TTF2: variants seen among roughly 807,000 people sequenced by gnomAD.
TTF2 encodes the protein RNA polymerase II termination factor.
A neutral mutation model predicts 142.4 loss-of-function variants in TTF2; 108 were observed. That is an observed-to-expected ratio of 0.76 (90% confidence interval 0.65 to 0.89). The LOEUF (loss-of-function observed/expected upper bound fraction) is 0.89. Among genes scored for constraint, TTF2 ranks in the 40% least tolerant of loss-of-function variants. The pLI, the probability that TTF2 is intolerant of heterozygous loss-of-function variation, is 0.00. For synonymous variants in TTF2, 483 were observed against 506.2 expected, an observed-to-expected ratio of 0.95 and a Z score of 0.61; for missense variants, 1,327 against 1,379.8, an observed-to-expected ratio of 0.96 and a Z score of 0.61.
intron 16 of TTF2, 102 bp from the exon 17 acceptor site, chr1:117,091,715 G>C: frequency 2.8e-6 from 4 of 1,420,144 alleles, no homozygotes; most frequent in Non-Finnish European, 3.8e-6. Flanking sequence ...TATTGAGTCT[G>C]AGATCAAACA....
intron 21 of TTF2, 51 bp from the exon 22 acceptor site, chr1:117,098,782 A>G (rs768725457): frequency 1.3e-6 from 2 of 1,558,198 alleles, no homozygotes; most frequent in South Asian, 1.2e-5. Flanking sequence ...ATAGTTTGCC[A>G]TTTCTGATCT....
At chr1:117,088,319 C>G (rs958801143) in intron 12 of TTF2, among the ~76,000 whole-genome samples, 1 of 152,056 alleles carries the variant, frequency 6.6e-6, no homozygotes, top group African/African-American at 2.4e-5. Context: ...GGGTGGATCA[C>G]GAGGTCAGGA....
chr1:117,079,623 G>T lies in TTF2; in HGVS notation c.1757G>T (p.Ser586Ile). The T allele has an allele frequency of 6.2e-7, 1 of 1,614,224 alleles. No homozygotes were observed. The highest frequency in any genetic ancestry group is 1.1e-5 in the South Asian group (1 of 91,084). Residue 586 changes from serine (S) to isoleucine (I), a missense_variant, in exon 9 of 23, where the codon AGT (serine) becomes ATT (isoleucine). Ser to Ile is a moderately radical substitution (Grantham distance 142). Transcript: ENST00000369466. This position sits in a 1 kb window ranked among gnomAD's most constrained non-coding sequence, Gnocchi z 4.2. ...TTGGCTTGGTTACTATGGCGAGAAA[G>T]TCAGAAGCCACAAGGAGGAATTCTG... ...QALAWLLWRE[S>I]QKPQGGILAD... is the part of the protein sequence containing the mutation.
chr1:117,083,300 T>G (rs1647701402), intron 10 of TTF2, among the ~76,000 whole-genome samples: 1 of 151,258 alleles, frequency 6.6e-6, no homozygotes, highest in South Asian at 2.1e-4. Flanking sequence ...TAATGAGCAC[T>G]GTTGCAGCTG....
Position 117,092,090 on chromosome 1 carries a change from G to A in TTF2, c.2805+140G>A. Reference sequence around the variant, plus strand: ...TCGGTTTTTCTATTTTTGTTTTTTGGTGGGTTGGAGAAAAGGGGGCTTATT... The same window carrying A: ...TCGGTTTTTCTATTTTTGTTTTTTGATGGGTTGGAGAAAAGGGGGCTTATT... On this transcript the variant is annotated intron_variant, in intron 17 of 22. Coordinates refer to ENST00000369466, the MANE Select transcript of TTF2 (RefSeq NM_003594.4). This position sits in a 1 kb window ranked among gnomAD's most constrained non-coding sequence, Gnocchi z 4.4. 3.5e-6 allele frequency: 3 copies of A among 863,378 alleles called. No homozygotes were observed. The South Asian group carries it at 7.3e-5, about 21-fold the overall frequency. 53.5% of individuals were successfully genotyped at this position (863,378 alleles called of 1,614,324 possible). A position where few individuals can be genotyped will look rare whatever the true frequency, so the allele number is the denominator to read the frequency against.
chr1:117,072,153 G>A (rs1656628471), intron 3 of TTF2, among the ~76,000 whole-genome samples: 1 of 152,120 alleles, frequency 6.6e-6, no homozygotes, highest in African/African-American at 2.4e-5. Flanking sequence ...GCTGGAGTAT[G>A]GGCTGTGTTT....
At position 117,099,145 on chromosome 1, in the gene TTF2, A is replaced by G. The variant is rs1178393219; in HGVS notation, c.3344+238A>G. 6.6e-6 allele frequency among the ~76,000 whole-genome samples: 1 copy of G among 152,128 alleles called. No individual in the cohort carries two copies. Among genetic ancestry groups the G allele is most frequent in the Non-Finnish European group, 1.5e-5 (1 of 68,018 alleles). ...TTTGTGTATATGGTGAGGGCAGTCC[A>G]TGAAAGGATGCTCCTATCTTTTATT... On this transcript the variant is annotated intron_variant, in intron 22 of 22. Transcript: ENST00000369466. This position sits in a 1 kb window ranked among gnomAD's most constrained non-coding sequence, Gnocchi z 4.3.
In TTF2 at chr1:117,101,690, G is replaced by A; in HGVS notation, c.*166G>A. ...GCATAATCTTATCCCCAGAATTGAG[G>A]AGGGGTTGTGTTAACCAATTAGTTA... On this transcript the variant is annotated 3_prime_UTR_variant, in exon 23 of 23. Transcript: ENST00000369466. This position sits in a 1 kb window ranked among gnomAD's most constrained non-coding sequence, Gnocchi z 5.9. The A allele has an allele frequency of 4.4e-6, 3 of 683,746 alleles. No individual in the cohort carries two copies. The highest frequency in any genetic ancestry group is 6.5e-6 in the Non-Finnish European group (3 of 458,674). The allele number at this position is 683,746 out of a possible 1,614,324, so 42.4% of individuals were successfully genotyped here.
At chr1:117,067,216 A>G (rs1438612549) in intron 3 of TTF2, among the ~76,000 whole-genome samples, 1 of 152,196 alleles carries the variant, frequency 6.6e-6, no homozygotes, top group African/African-American at 2.4e-5. Flanking sequence ...ATTACTAGGA[A>G]GTACTTACTG....
chr1:117,060,349 GGAA>G lies in TTF2; in HGVS notation c.8_10del (p.Glu3del), dbSNP rs746125738. On this transcript the variant is annotated inframe_deletion, in exon 1 of 23. Coordinates refer to ENST00000369466, the MANE Select transcript of TTF2 (RefSeq NM_003594.4). ...TGGAACTTGGGGGACCCAGCGAAAT[GGAA>G]GAAGTTAGGTGTCCAGAGCACGGTA... 111 of 1,597,376 alleles carry G rather than the reference GGAA, an allele frequency of 6.9e-5. No homozygotes were observed. Among genetic ancestry groups the G allele is most frequent in the Non-Finnish European group, 8.3e-5 (97 of 1,172,226 alleles).
At chr1:117,077,488 T>C (rs1330691096) in intron 7 of TTF2, among the ~76,000 whole-genome samples, 1 of 152,140 alleles carries the variant, frequency 6.6e-6, no homozygotes, top group African/African-American at 2.4e-5. Context: ...TCTTATTCTT[T>C]CGTGTGTGTG....
At chr1:117,094,265 A>T (rs1450782401) in intron 18 of TTF2, among the ~76,000 whole-genome samples, 4 of 152,176 alleles carry the variant, frequency 2.6e-5, no homozygotes, top group Non-Finnish European at 4.4e-5. Context: ...GAGGAATCTG[A>T]GTCCCAAAGT....
In TTF2 at chr1:117,090,318, C is replaced by A; in HGVS notation, c.2496+110C>A. On this transcript the variant is annotated intron_variant, in intron 14 of 22. Transcript: ENST00000369466. The surrounding 1 kb of genome is among the most constrained non-coding windows in gnomAD (Gnocchi z 4.8). ...TTGCTTCAGGAGCCTCTGAGTTTCCCATCCTCCTGTGAGGAGGCCCCAGGG... is the reference window on the plus strand; with the variant it reads ...TTGCTTCAGGAGCCTCTGAGTTTCCAATCCTCCTGTGAGGAGGCCCCAGGG... The A allele has an allele frequency of 6.8e-7, 1 of 1,460,160 alleles. No individual in the cohort carries two copies. Among genetic ancestry groups the A allele is most frequent in the Non-Finnish European group, 9.3e-7 (1 of 1,079,328 alleles). 90.5% of individuals were successfully genotyped at this position (1,460,160 alleles called of 1,614,324 possible).
Position 117,079,692 on chromosome 1 carries a change from G to A in TTF2, c.1783+43G>A, listed in dbSNP as rs1570829857. The A allele has an allele frequency of 6.4e-7, 1 of 1,567,194 alleles. No individual in the cohort carries two copies. Among genetic ancestry groups the A allele is most frequent in the Non-Finnish European group, 8.8e-7 (1 of 1,136,992 alleles). ...AGAGTCAGCCTTTATTGAATGCTTA[G>A]GCATTGTGCTAAACACGTAGTGTTG... On this transcript the variant is annotated intron_variant, in intron 9 of 22. Transcript: ENST00000369466. The surrounding 1 kb of genome is among the most constrained non-coding windows in gnomAD (Gnocchi z 4.2).
chr1:117,068,693 A>G (rs2101344551), intron 3 of TTF2, among the ~76,000 whole-genome samples: 1 of 152,308 alleles, frequency 6.6e-6, no homozygotes, highest in South Asian at 2.1e-4. Flanking sequence ...ATTGACCTGC[A>G]GATTATCTAG....
chr1:117,086,128 A>T lies in TTF2; in HGVS notation c.2055-289A>T, dbSNP rs1264211700. Among the ~76,000 whole-genome samples the T allele has an allele frequency of 5.9e-5, 9 of 152,180 alleles. No individual in the cohort carries two copies. The highest frequency in any genetic ancestry group is 1.2e-4 in the Non-Finnish European group (8 of 68,036). On this transcript the variant is annotated intron_variant, in intron 11 of 22. Coordinates refer to ENST00000369466, the MANE Select transcript of TTF2 (RefSeq NM_003594.4). The surrounding 1 kb of genome is among the most constrained non-coding windows in gnomAD (Gnocchi z 4.2). ...AAGCATTATATTATCCCAGCCAGAG[A>T]ATTTTCTTTCTGACTCACTGGATGG...
chr1:117,066,184 T>C (rs111977291), intron 3 of TTF2, among the ~76,000 whole-genome samples: 1 of 152,058 alleles, frequency 6.6e-6, no homozygotes, highest in African/African-American at 2.4e-5. Context: ...TAGATTTCAA[T>C]ATCCGTGTTT....
In TTF2 at chr1:117,088,971, T is replaced by C; in HGVS notation, c.2331T>C (p.Tyr777=). The part of the protein sequence containing the change: ...TPIQNNLLDM[Y]SLLKFLRCSP... ...TTCAAAACAACTTATTGGATATGTATTCGCTGCTGAAGTGAGTAACTTCTC... is the reference window on the plus strand; with the variant it reads ...TTCAAAACAACTTATTGGATATGTACTCGCTGCTGAAGTGAGTAACTTCTC... The change falls in exon 13 of 23, where the codon TAT becomes TAC. Residue 777 remains tyrosine, a synonymous_variant. Coordinates refer to ENST00000369466, the MANE Select transcript of TTF2 (RefSeq NM_003594.4). The C allele has an allele frequency of 1.2e-6, 2 of 1,611,688 alleles. No individual in the cohort carries two copies. The highest frequency in any genetic ancestry group is 1.7e-6 in the Non-Finnish European group (2 of 1,179,032).
Position 117,078,012 on chromosome 1 carries a change from C to T in TTF2, c.1670C>T (p.Thr557Met), listed in dbSNP as rs766446487. The T allele has an allele frequency of 1.9e-5, 31 of 1,613,932 alleles. No individual in the cohort carries two copies. Among genetic ancestry groups the T allele is most frequent in the East Asian group, 8.9e-5 (4 of 44,886 alleles). Residue 557 changes from threonine (T) to methionine (M), a missense_variant, in exon 8 of 23, where the codon ACG becomes ATG. Transcript: ENST00000369466. ...HRSLESCPGE[T>M]VVAEDPAGLK... Reference sequence around the variant, plus strand: ...TCACTTGAGTCATGTCCTGGTGAGACGGTTGTGGCAGAAGATCCCGCCGGG... The same window carrying T: ...TCACTTGAGTCATGTCCTGGTGAGATGGTTGTGGCAGAAGATCCCGCCGGG...
Sources: gnomAD v4.1 joint callset for allele counts (sites outside exome capture counted in the v4.1 genomes callset) on GRCh38, gnomAD v4.1.1 for gene constraint, Gnocchi (gnomAD v3.1) non-coding constraint, MANE v1.5 for transcripts, NCBI Gene and HGNC (gene_info 2026-07-23, HGNC 2026-07-21) for gene names.